Variants in EFR3B observed in about 807,000 individuals in gnomAD.
EFR3B encodes the protein EFR3 homolog B.
In EFR3B, 64 loss-of-function variants were observed where a neutral mutation model predicts 104.7. The observed-to-expected ratio is 0.61, with a 90% CI of 0.50 to 0.75. EFR3B has a LOEUF of 0.75. EFR3B is among the 30% of genes least tolerant of loss of function. The pLI is 0.00. For missense variants in EFR3B, 750 were observed against 1,078.5 expected, an observed-to-expected ratio of 0.70 and a Z score of 4.27; for synonymous variants, 385 against 417.9, an observed-to-expected ratio of 0.92 and a Z score of 0.96.
At chr2:25,074,237 C>T (rs1668572947) in intron 1 of EFR3B, among the ~76,000 whole-genome samples, 1 of 152,184 alleles carries the variant, frequency 6.6e-6, no homozygotes, top group African/African-American at 2.4e-5. Context: ...GACTCCTGAA[C>T]CAGAATCCTC....
chr2:25,090,664 C>T (rs912171700), intron 1 of EFR3B, among the ~76,000 whole-genome samples: 2 of 152,348 alleles, frequency 1.3e-5, no homozygotes, highest in African/African-American at 2.4e-5. Context: ...TCAAATTCCA[C>T]TGTCACACTG....
intron 5 of EFR3B, among the ~76,000 whole-genome samples, chr2:25,126,255 C>A (rs1411307864): frequency 6.6e-6 from 1 of 152,146 alleles, no homozygotes; most frequent in Non-Finnish European, 1.5e-5. Flanking sequence ...CTCACATGAT[C>A]TCAGCTCACT....
chr2:25,074,777 A>C (rs1353887937), intron 1 of EFR3B, among the ~76,000 whole-genome samples: 2 of 151,466 alleles, frequency 1.3e-5, no homozygotes, highest in Non-Finnish European at 2.9e-5. Flanking sequence ...GCACCACATT[A>C]GGCTAATTTT....
rs1671215278 is a variant in EFR3B at position 25,157,814 on chromosome 2, A to T, written c.*3474A>T. 6.6e-6 allele frequency: 1 copy of T among 152,262 alleles called. No homozygotes were observed. The highest frequency in any genetic ancestry group is 2.4e-5 in the African/African-American group (1 of 41,452). 9.4% of individuals were successfully genotyped at this position (152,262 alleles called of 1,614,324 possible). A position where few individuals can be genotyped will look rare whatever the true frequency, so the allele number is the denominator to read the frequency against. ...CCATTTCCCTCTCTCTTTGAAAAGT[A>T]GAAATCAGTGGTTTCTTGACTCCTA... On this transcript the variant is annotated 3_prime_UTR_variant, in exon 23 of 23. Transcript: ENST00000403714.
chr2:25,096,111 G>T (rs1426922758), intron 3 of EFR3B, among the ~76,000 whole-genome samples: 7 of 152,078 alleles, frequency 4.6e-5, no homozygotes, highest in African/African-American at 7.2e-5. Flanking sequence ...TGCCTCCTGG[G>T]TTCAAGCGAT....
chr2:25,086,726 G>A (rs1317885212), intron 1 of EFR3B, among the ~76,000 whole-genome samples: 1 of 152,048 alleles, frequency 6.6e-6, no homozygotes, highest in Non-Finnish European at 1.5e-5. Context: ...CCAAGTAGCT[G>A]GGATTACAAG....
intron 1 of EFR3B, among the ~76,000 whole-genome samples, chr2:25,071,504 C>T (rs2149174753): frequency 6.6e-6 from 1 of 152,232 alleles, no homozygotes; most frequent in East Asian, 1.9e-4. Context: ...CGCGATCCAC[C>T]CGCCTCGGCC....
At chr2:25,081,396 CAT>C in intron 1 of EFR3B, 1 of 1,122,998 alleles carries the variant, frequency 8.9e-7, no homozygotes, top group Non-Finnish European at 1.3e-6. Context: ...TTATCCTGCA[CAT>C]GTTATTTCTT....
At position 25,042,303 on chromosome 2, in the gene EFR3B, C is replaced by G; in HGVS notation, c.-10C>G. On this transcript the variant is annotated 5_prime_UTR_variant, in exon 1 of 23. Transcript: ENST00000403714. This position sits in a 1 kb window ranked among gnomAD's most constrained non-coding sequence, Gnocchi z 5.4. ...ACGCCGGCCTCTCGAGAGGCGCGCG[C>G]CCCGCCGAGATGTACGGTAAGGAGG... 1 of 1,293,272 alleles carries G rather than the reference C, an allele frequency of 7.7e-7. No homozygotes were observed. Among genetic ancestry groups the G allele is most frequent in the Non-Finnish European group, 9.8e-7 (1 of 1,022,958 alleles). The allele number at this position is 1,293,272 out of a possible 1,614,324, so 80.1% of individuals were successfully genotyped here. A position where few individuals can be genotyped will look rare whatever the true frequency, so the allele number is the denominator to read the frequency against.
intron 3 of EFR3B, among the ~76,000 whole-genome samples, chr2:25,095,714 G>C (rs2097327890): frequency 6.6e-6 from 1 of 152,068 alleles, no homozygotes; most frequent in African/African-American, 2.4e-5. Flanking sequence ...CAACAAAAAA[G>C]AATGTACCAA....
chr2:25,118,592 C>T (rs964850184), intron 4 of EFR3B, among the ~76,000 whole-genome samples: 10 of 151,840 alleles, frequency 6.6e-5, no homozygotes, highest in Non-Finnish European at 1.2e-4. Flanking sequence ...TGAGGTGTTA[C>T]GTTAACTGGC....
At position 25,042,165 on chromosome 2, in the gene EFR3B, G is replaced by C; in HGVS notation, c.-148G>C. ...CCCGGCTCCGTCCTGCCCGCGGCCG[G>C]CCCCCGCGTCTGCTCCCTCCCCGCC... On this transcript the variant is annotated 5_prime_UTR_variant, in exon 1 of 23. Transcript: ENST00000403714. This position sits in a 1 kb window ranked among gnomAD's most constrained non-coding sequence, Gnocchi z 5.4. The C allele has an allele frequency of 1.3e-6, 1 of 759,010 alleles. No homozygotes were observed. Among genetic ancestry groups the C allele is most frequent in the Non-Finnish European group, 1.8e-6 (1 of 568,928 alleles). 47.0% of individuals were successfully genotyped at this position (759,010 alleles called of 1,614,324 possible). A position where few individuals can be genotyped will look rare whatever the true frequency, so the allele number is the denominator to read the frequency against.
intron 1 of EFR3B, among the ~76,000 whole-genome samples, chr2:25,049,420 G>C (rs2149163184): frequency 6.6e-6 from 1 of 152,262 alleles, no homozygotes; most frequent in Middle Eastern, 3.4e-3. Context: ...ATACTACAGA[G>C]GCCATCATGA....
chr2:25,129,990 C>T lies in EFR3B; in HGVS notation c.651C>T (p.Pro217=). Residue 217 remains proline (P), a synonymous_variant, in exon 7 of 23, where the codon CCC becomes CCT. Transcript: ENST00000403714. ...VEEAESRSPS[P]LQAPEKEKES... ...GTCTCCCCAGCCGGTCTCCCTCACC[C>T]CTCCAAGCACCTGAGAAGGAGAAAG... is the stretch of plus-strand genomic sequence containing the variant. 3 of 1,551,658 alleles carry T rather than the reference C, an allele frequency of 1.9e-6. No individual in the cohort carries two copies. The highest frequency in any genetic ancestry group is 1.7e-6 in the Non-Finnish European group (2 of 1,147,008).
intron 1 of EFR3B, among the ~76,000 whole-genome samples, chr2:25,078,696 G>A (rs955951284): frequency 2.0e-5 from 3 of 152,164 alleles, no homozygotes; most frequent in African/African-American, 7.2e-5. Flanking sequence ...AAATAACTTC[G>A]CCTGAACAAG....
At chr2:25,074,261 C>T (rs1027655149) in intron 1 of EFR3B, among the ~76,000 whole-genome samples, 15 of 152,154 alleles carry the variant, frequency 9.9e-5, no homozygotes, top group Admixed American at 4.6e-4. Flanking sequence ...CAGTTACCAC[C>T]GTTGCTCAAA....
At chr2:25,123,990 G>A (rs973761563) in intron 5 of EFR3B, among the ~76,000 whole-genome samples, 3 of 152,210 alleles carry the variant, frequency 2.0e-5, no homozygotes, top group Non-Finnish European at 4.4e-5. Context: ...TGACAGGAAG[G>A]CCTGTGGGTG....
At chr2:25,124,500 G>A (rs1046497770) in intron 5 of EFR3B, among the ~76,000 whole-genome samples, 6 of 151,978 alleles carry the variant, frequency 3.9e-5, no homozygotes, top group African/African-American at 9.7e-5. Flanking sequence ...GCCGAGCGGG[G>A]CGGATCACAA....
At chr2:25,046,930 G>A (rs529539781) in intron 1 of EFR3B, among the ~76,000 whole-genome samples, 2 of 152,232 alleles carry the variant, frequency 1.3e-5, no homozygotes, top group African/African-American at 4.8e-5. Flanking sequence ...TAAGGTTTCT[G>A]CAGCCCCATG....
Sources: gnomAD v4.1 joint callset for allele counts (sites outside exome capture counted in the v4.1 genomes callset) on GRCh38, gnomAD v4.1.1 for gene constraint, Gnocchi (gnomAD v3.1) non-coding constraint, MANE v1.5 for transcripts, NCBI Gene and HGNC (gene_info 2026-07-23, HGNC 2026-07-21) for gene names.